Variants in ADIPOR2 observed in about 807,000 individuals in gnomAD.
ADIPOR2 encodes the protein adiponectin receptor 2.
Under a neutral mutation model 40.9 loss-of-function variants are expected in ADIPOR2, and 18 were observed. That is an observed-to-expected ratio of 0.44 (90% confidence interval 0.30 to 0.65). The LOEUF is 0.65. Ranked by LOEUF, ADIPOR2 falls within the 30% of genes least tolerant of loss-of-function variation. The pLI is 0.09. For synonymous variants in ADIPOR2, 165 were observed against 166.4 expected (o/e 0.99, Z 0.06); for missense variants, 283 against 479.2 (o/e 0.59, Z 3.82).
intron 1 of ADIPOR2, among the ~76,000 whole-genome samples, chr12:1,734,869 C>T (rs534709517): frequency 1.1e-4 from 16 of 152,244 alleles, no homozygotes; most frequent in Admixed American, 1.0e-3. Context: ...AATCCTTTCC[C>T]CATTTCTTGT....
At chr12:1,737,767 GT>G (rs2094734028) in intron 1 of ADIPOR2, among the ~76,000 whole-genome samples, 1 of 152,056 alleles carries the variant, frequency 6.6e-6, no homozygotes, top group Non-Finnish European at 1.5e-5. Flanking sequence ...GGCCAGGCTG[GT>G]CTTGAACTCC....
intron 2 of ADIPOR2, among the ~76,000 whole-genome samples, chr12:1,771,840 C>T (rs1217964895): frequency 6.6e-6 from 1 of 152,174 alleles, no homozygotes; most frequent in Non-Finnish European, 1.5e-5. Flanking sequence ...TCTAAACAGA[C>T]TCTTGGTTAC....
intron 6 of ADIPOR2, among the ~76,000 whole-genome samples, chr12:1,781,399 A>G (rs747502925): frequency 1.2e-4 from 18 of 152,176 alleles, no homozygotes; most frequent in South Asian, 2.1e-4. Context: ...TTTGTAAACA[A>G]TGATTTCTCT....
intron 1 of ADIPOR2, among the ~76,000 whole-genome samples, chr12:1,703,934 A>C (rs919091479): frequency 6.6e-6 from 1 of 150,822 alleles, no homozygotes; most frequent in Non-Finnish European, 1.5e-5. Context: ...GGCTGGTCTC[A>C]AACTCCTGGC....
intron 4 of ADIPOR2, chr12:1,780,115 C>T (rs1218587618): frequency 5.5e-6 from 1 of 182,216 alleles, no homozygotes; most frequent in Non-Finnish European, 1.1e-5. Flanking sequence ...GTGCCAAAAA[C>T]TGTATAAATG....
At chr12:1,707,440 CTTA>C (rs750237234) in intron 1 of ADIPOR2, among the ~76,000 whole-genome samples, 12 of 148,558 alleles carry the variant, frequency 8.1e-5, no homozygotes, top group Non-Finnish European at 1.5e-4. Context: ...GAATTGATAT[CTTA>C]TTGTGGTTTT....
chr12:1,783,422 G>A (rs113697817), intron 6 of ADIPOR2, among the ~76,000 whole-genome samples: 15 of 136,832 alleles, frequency 1.1e-4, no homozygotes, highest in African/African-American at 2.4e-4. Flanking sequence ...TTTTTGAGAC[G>A]GAGTTTCACT....
chr12:1,704,359 C>G (rs2094657673), intron 1 of ADIPOR2, among the ~76,000 whole-genome samples: 1 of 152,072 alleles, frequency 6.6e-6, no homozygotes, highest in South Asian at 2.1e-4. Flanking sequence ...AGGTCTCACT[C>G]ACATGTCATT....
chr12:1,781,409 T>TTAC (rs549891476), intron 6 of ADIPOR2, among the ~76,000 whole-genome samples: 116 of 152,330 alleles, frequency 7.6e-4, no homozygotes, highest in African/African-American at 2.6e-3. Context: ...ATGATTTCTC[T>TTAC]TACTCATTGT....
chr12:1,697,107 A>T (rs762763397), intron 1 of ADIPOR2: 1 of 152,246 alleles, frequency 6.6e-6, no homozygotes, highest in Non-Finnish European at 1.5e-5. Flanking sequence ...ATTTCTGCCA[A>T]TCTGGAGATA....
At chr12:1,744,699 C>A (rs183075600) in intron 1 of ADIPOR2, among the ~76,000 whole-genome samples, 1 of 152,062 alleles carries the variant, frequency 6.6e-6, no homozygotes, top group Non-Finnish European at 1.5e-5. Flanking sequence ...TTTTAATGTT[C>A]GGAACTATTT....
intron 1 of ADIPOR2, among the ~76,000 whole-genome samples, chr12:1,713,825 G>C (rs1358184293): frequency 6.6e-6 from 1 of 152,068 alleles, no homozygotes; most frequent in Non-Finnish European, 1.5e-5. Context: ...GTCCGGGACA[G>C]GAGATTAACA....
intron 1 of ADIPOR2, among the ~76,000 whole-genome samples, chr12:1,718,056 G>A (rs1032297295): frequency 1.3e-5 from 2 of 151,938 alleles, no homozygotes; most frequent in South Asian, 2.1e-4. Flanking sequence ...TACCGTAATA[G>A]CATCATTTTA....
At position 1,691,397 on chromosome 12, in the gene ADIPOR2, C is replaced by T. The variant is rs557561439; in HGVS notation, c.-87+206C>T. ...CGGCGCGCCTTGGCCTGAGGGTCGG[C>T]CGTGTGGGGACCTGGAGCCGCCCTC... On this transcript the variant is annotated intron_variant, in intron 1 of 7. Coordinates refer to ENST00000357103, the MANE Select transcript of ADIPOR2 (RefSeq NM_024551.3). Among the ~76,000 whole-genome samples the T allele has an allele frequency of 3.9e-5, 6 of 152,244 alleles. 1 individual carries two copies. In the South Asian group the frequency reaches 1.2e-3, roughly 32 times the overall value.
intron 1 of ADIPOR2, among the ~76,000 whole-genome samples, chr12:1,719,399 C>T (rs1013453683): frequency 1.3e-5 from 2 of 152,260 alleles, no homozygotes; most frequent in African/African-American, 4.8e-5. Flanking sequence ...ATGGCTCATT[C>T]AGACATTGTG....
At chr12:1,761,925 G>A (rs1468574052) in intron 2 of ADIPOR2, among the ~76,000 whole-genome samples, 3 of 152,150 alleles carry the variant, frequency 2.0e-5, no homozygotes, top group Non-Finnish European at 4.4e-5. Context: ...GTTTCCCATT[G>A]CACTTATGGT....
At chr12:1,715,712 G>C (rs888931490) in intron 1 of ADIPOR2, among the ~76,000 whole-genome samples, 1 of 152,202 alleles carries the variant, frequency 6.6e-6, no homozygotes, top group African/African-American at 2.4e-5. Context: ...GGTGAAGCCA[G>C]CTGGACTTCT....
At chr12:1,755,475 C>T (rs1033427844) in intron 2 of ADIPOR2, among the ~76,000 whole-genome samples, 3 of 152,218 alleles carry the variant, frequency 2.0e-5, no homozygotes, top group African/African-American at 7.2e-5. Context: ...CATACTTTAG[C>T]TATGACGTTA....
At position 1,772,896 on chromosome 12, in the gene ADIPOR2, A is replaced by T; in HGVS notation, c.226A>T (p.Met76Leu). 1 of 1,613,786 alleles carries T rather than the reference A, an allele frequency of 6.2e-7. No individual in the cohort carries two copies. The highest frequency in any genetic ancestry group is 8.5e-7 in the Non-Finnish European group (1 of 1,179,804). ...AGCTCCTCAGGAAGATGAGGGCTTT[A>T]TGGGCATGTCCCCTCTCTTACAAGC... Reference protein sequence around the residue: ...DEAPQEDEGFMGMSPLLQAHH... With the variant: ...DEAPQEDEGFLGMSPLLQAHH... Residue 76 changes from methionine to leucine, a missense_variant, in exon 3 of 8, where the codon ATG (methionine) becomes TTG (leucine). Met to Leu is a conservative substitution (Grantham distance 15). Coordinates refer to ENST00000357103, the MANE Select transcript of ADIPOR2 (RefSeq NM_024551.3).
Sources: gnomAD v4.1 joint callset for allele counts (sites outside exome capture counted in the v4.1 genomes callset) on GRCh38, gnomAD v4.1.1 for gene constraint, MANE v1.5 for transcripts, NCBI Gene and HGNC (gene_info 2026-07-23, HGNC 2026-07-21) for gene names.